TDRD10: variants seen among roughly 807,000 people sequenced by gnomAD.
TDRD10 encodes tudor domain containing 10, also known as tudor domain-containing protein 10.
In TDRD10, 40 loss-of-function variants were observed where a neutral mutation model predicts 48.0. That is an observed-to-expected ratio of 0.83 (90% CI 0.65 to 1.09). The LOEUF (loss-of-function observed/expected upper bound fraction) is 1.09, where lower values mean the gene tolerates loss of function less well. TDRD10 is among the 50% of genes least tolerant of loss of function. The pLI is 0.00. For missense variants in TDRD10, 378 were observed against 434.7 expected, an observed-to-expected ratio of 0.87 and a Z score of 1.16; for synonymous variants, 162 against 170.4, an observed-to-expected ratio of 0.95 and a Z score of 0.38.
intron 8 of TDRD10, among the ~76,000 whole-genome samples, 187 bp from the exon 9 acceptor site, chr1:154,543,776 C>T (rs755317282): frequency 3.3e-5 from 5 of 152,156 alleles, no homozygotes; most frequent in Admixed American, 6.5e-5. Flanking sequence ...TTTCCTCTGC[C>T]GTGGACTGGG....
intron 2 of TDRD10, 137 bp downstream of exon 2, chr1:154,507,042 A>G: frequency 6.4e-7 from 1 of 1,567,260 alleles, no homozygotes; most frequent in Non-Finnish European, 8.6e-7. Flanking sequence ...AACTCTAAGT[A>G]TACTTTAACT....
chr1:154,529,763 T>C (rs1188511146), intron 6 of TDRD10, among the ~76,000 whole-genome samples: 2 of 152,052 alleles, frequency 1.3e-5, no homozygotes, highest in Non-Finnish European at 2.9e-5. Context: ...CAGGCTGGTC[T>C]TGAACTCCTG....
intron 6 of TDRD10, among the ~76,000 whole-genome samples, chr1:154,536,326 A>G (rs1694917193): frequency 6.6e-6 from 1 of 152,088 alleles, no homozygotes. Context: ...CGGTGAGCTG[A>G]GATTGTGCCG....
At chr1:154,542,208 C>T in intron 7 of TDRD10, 142 bp downstream of exon 7, 1 of 788,608 alleles carries the variant, frequency 1.3e-6, no homozygotes, top group Non-Finnish European at 2.0e-6. Context: ...CCCTTTCTTC[C>T]TCTAGGATGC....
intron 6 of TDRD10, among the ~76,000 whole-genome samples, chr1:154,531,561 C>T (rs140181356): frequency 2.7e-4 from 41 of 152,136 alleles, no homozygotes; most frequent in African/African-American, 8.2e-4. Context: ...AGTGGGTTCG[C>T]GGTCTCGCTG....
intron 4 of TDRD10, among the ~76,000 whole-genome samples, chr1:154,509,554 C>T (rs1693329841): frequency 6.6e-6 from 1 of 152,154 alleles, no homozygotes; most frequent in Non-Finnish European, 1.5e-5. Flanking sequence ...GGCTCAGTTG[C>T]TCCCAAGTCC....
intron 6 of TDRD10, among the ~76,000 whole-genome samples, chr1:154,540,145 G>T (rs1049837912): frequency 6.6e-6 from 1 of 152,214 alleles, no homozygotes; most frequent in Non-Finnish European, 1.5e-5. Flanking sequence ...GTTTGAAAAA[G>T]ATCACAGTCC....
At position 154,547,977 on chromosome 1, in the gene TDRD10, A is replaced by G. The variant is rs1271344160; in HGVS notation, c.*267A>G. On this transcript the variant is annotated 3_prime_UTR_variant, in exon 13 of 13. Transcript: ENST00000368482. ...TACCATTAGGTTGAAAGCCTGAGGCAGCTGGGATGGTCTTTCTTGTGTCTC... is the reference window on the plus strand; with the variant it reads ...TACCATTAGGTTGAAAGCCTGAGGCGGCTGGGATGGTCTTTCTTGTGTCTC... 5.4e-6 allele frequency: 3 copies of G among 550,760 alleles called. No individual in the cohort carries two copies. In the African/African-American group the frequency reaches 5.7e-5, roughly 10 times the overall value. 34.1% of individuals were successfully genotyped at this position (550,760 alleles called of 1,614,324 possible).
chr1:154,543,945 C>T lies in TDRD10; in HGVS notation c.504-18C>T, dbSNP rs760663272. The T allele has an allele frequency of 2.6e-5, 42 of 1,613,402 alleles. No homozygotes were observed. The highest frequency in any genetic ancestry group is 3.2e-5 in the Non-Finnish European group (38 of 1,179,748). ...GGTCCAGTCGTTCCTTTCCTTGCTC[C>T]CCTTGCTCTTCCCGCAGAGGGTCCT... On this transcript the variant is annotated intron_variant, in intron 8 of 12. Transcript: ENST00000368482.
At chr1:154,524,059 T>C (rs955440609) in intron 6 of TDRD10, among the ~76,000 whole-genome samples, 2 of 152,242 alleles carry the variant, frequency 1.3e-5, no homozygotes, top group Non-Finnish European at 2.9e-5. Flanking sequence ...ATAATAGTTA[T>C]TATAAAATCA....
At chr1:154,506,964 C>T in intron 2 of TDRD10, 59 bp downstream of exon 2, 2 of 1,614,032 alleles carry the variant, frequency 1.2e-6, no homozygotes, top group Non-Finnish European at 1.7e-6. Flanking sequence ...CCTTCTCTTT[C>T]TCCCATTCCT....
In TDRD10 at chr1:154,519,806, G is replaced by T. The variant is rs1229363049; in HGVS notation, c.142-498G>T. On this transcript the variant is annotated intron_variant, in intron 4 of 12. Transcript: ENST00000368482. The stretch of plus-strand genomic sequence containing the variant: ...CAAGCCCGCGGAGCAGGATGGGGAG[G>T]AGGGGATGGGGTGAGGAAGACGGCC... Among the ~76,000 whole-genome samples, 3 of 152,332 alleles carry T rather than the reference G, an allele frequency of 2.0e-5. No homozygotes were observed. In the East Asian group the frequency reaches 5.8e-4, roughly 29 times the overall value.
At chr1:154,533,891 ATAT>A (rs1557830010) in intron 6 of TDRD10, among the ~76,000 whole-genome samples, 2 of 54,072 alleles carry the variant, frequency 3.7e-5, no homozygotes, top group East Asian at 1.1e-3. Flanking sequence ...ATATATATAT[ATAT>A]TTTTTTTTAA....
chr1:154,529,724 T>A (rs529441300), intron 6 of TDRD10, among the ~76,000 whole-genome samples: 1 of 151,900 alleles, frequency 6.6e-6, no homozygotes, highest in African/African-American at 2.4e-5. Flanking sequence ...TTTGTATTTT[T>A]AGTAGATACG....
intron 4 of TDRD10, among the ~76,000 whole-genome samples, chr1:154,515,869 C>T (rs954315216): frequency 6.6e-6 from 1 of 152,190 alleles, no homozygotes; most frequent in Non-Finnish European, 1.5e-5. Context: ...CACCTGTCAC[C>T]ACACCCAGCT....
At chr1:154,514,002 C>T (rs1693619036) in intron 4 of TDRD10, among the ~76,000 whole-genome samples, 1 of 152,154 alleles carries the variant, frequency 6.6e-6, no homozygotes. Context: ...CCACCCTGGC[C>T]AGTGTGGTGA....
At chr1:154,533,757 C>T (rs984774317) in intron 6 of TDRD10, among the ~76,000 whole-genome samples, 11 of 151,920 alleles carry the variant, frequency 7.2e-5, no homozygotes, top group African/African-American at 1.2e-4. Context: ...GCCTCAGCCT[C>T]GTGAGTAGCT....
At chr1:154,526,377 AAAAC>A (rs1694317347) in intron 6 of TDRD10, among the ~76,000 whole-genome samples, 1 of 151,760 alleles carries the variant, frequency 6.6e-6, no homozygotes, top group South Asian at 2.1e-4. Flanking sequence ...CCTTTCTCTA[AAAAC>A]AAACAAGCAA....
At chr1:154,503,993 C>T (rs946113469) in intron 1 of TDRD10, among the ~76,000 whole-genome samples, 1 of 152,208 alleles carries the variant, frequency 6.6e-6, no homozygotes, top group African/African-American at 2.4e-5. Context: ...ACATCTCCAT[C>T]ACCCCCAAAA....
Sources: gnomAD v4.1 joint callset for allele counts (sites outside exome capture counted in the v4.1 genomes callset) on GRCh38, gnomAD v4.1.1 for gene constraint, MANE v1.5 for transcripts, NCBI Gene and HGNC (gene_info 2026-07-23, HGNC 2026-07-21) for gene names.